COL6A6: variants seen among roughly 807,000 people sequenced by gnomAD.
COL6A6 encodes the protein collagen alpha-6(VI) chain.
In COL6A6, 183 loss-of-function variants were observed where a neutral mutation model predicts 208.6. That is an observed-to-expected ratio of 0.88 (90% CI 0.78 to 0.99). COL6A6 has a LOEUF of 0.99. COL6A6 is among the 50% of genes least tolerant of loss of function. COL6A6 has a pLI of 0.00. For synonymous variants in COL6A6, 973 were observed against 1,011.8 expected, an observed-to-expected ratio of 0.96 and a Z score of 0.73; for missense variants, 2,816 against 2,815.2, an observed-to-expected ratio of 1.00 and a Z score of -0.01.
intron 32 of COL6A6, chr3:130,646,343 G>C (rs1175987561): frequency 6.6e-6 from 1 of 152,302 alleles, no homozygotes; most frequent in African/African-American, 2.4e-5. Context: ...GGGAGCCCGA[G>C]GCAGGCAGAT....
chr3:130,650,633 A>C (rs957550913), intron 33 of COL6A6, among the ~76,000 whole-genome samples: 52 of 152,072 alleles, frequency 3.4e-4, no homozygotes, highest in Non-Finnish European at 6.8e-4. Flanking sequence ...AAAAAAGAAA[A>C]AGGCCAGCCA....
At chr3:130,600,429 A>G (rs7430430) in intron 20 of COL6A6, among the ~76,000 whole-genome samples, 8 of 152,232 alleles carry the variant, frequency 5.3e-5, no homozygotes, top group Non-Finnish European at 5.9e-5. Flanking sequence ...TGTTTATTGC[A>G]GCACTATTTA....
At chr3:130,653,871 T>C (rs1475902051) in intron 33 of COL6A6, among the ~76,000 whole-genome samples, 1 of 152,096 alleles carries the variant, frequency 6.6e-6, no homozygotes, top group African/African-American at 2.4e-5. Context: ...CTGTGGACTC[T>C]CCCCATAAAA....
In COL6A6 at chr3:130,649,145, A is replaced by T; in HGVS notation, c.5316A>T (p.Glu1772Asp). 6.3e-7 allele frequency: 1 copy of T among 1,590,276 alleles called. No individual in the cohort carries two copies. The highest frequency in any genetic ancestry group is 2.3e-5 in the East Asian group (1 of 43,850). Reference protein sequence around the residue: ...LDHSRDVTEQEFERMKEMMAF... With the variant: ...LDHSRDVTEQDFERMKEMMAF... ...ACTCCCGGGATGTCACTGAGCAGGA[A>T]TTTGAGCGGATGAAGGAGATGATGG... is the stretch of plus-strand genomic sequence containing the variant. Residue 1772 changes from glutamate (E) to aspartate (D), a missense_variant, in exon 33 of 37, where the codon GAA (glutamate) becomes GAT (aspartate). Transcript: ENST00000358511.
At chr3:130,648,343 G>A (rs144995003) in intron 32 of COL6A6, among the ~76,000 whole-genome samples, 1 of 152,286 alleles carries the variant, frequency 6.6e-6, no homozygotes, top group South Asian at 2.1e-4. Context: ...AACAGCAATG[G>A]TTGACATTTA....
intron 34 of COL6A6, among the ~76,000 whole-genome samples, chr3:130,659,042 A>G (rs1337262307): frequency 6.6e-6 from 1 of 152,234 alleles, no homozygotes; most frequent in Non-Finnish European, 1.5e-5. Flanking sequence ...AATGATTCTT[A>G]GAAAAACAGC....
At chr3:130,628,053 C>T (rs976170813) in intron 26 of COL6A6, among the ~76,000 whole-genome samples, 6 of 152,150 alleles carry the variant, frequency 3.9e-5, no homozygotes, top group African/African-American at 1.4e-4. Context: ...AGAGGCATTC[C>T]AAGATCTTGT....
chr3:130,668,893 T>G lies in COL6A6; in HGVS notation c.6596+3797T>G, dbSNP rs189627988. ...GATGTAAACATAAGTAACAAATGATTTAATAGATACATGCAGAACCCTGGA... is the reference window on the plus strand; with the variant it reads ...GATGTAAACATAAGTAACAAATGATGTAATAGATACATGCAGAACCCTGGA... On this transcript the variant is annotated intron_variant, in intron 36 of 36. Transcript: ENST00000358511. Among the ~76,000 whole-genome samples, 210 of 152,304 alleles carry G rather than the reference T, an allele frequency of 1.4e-3. 1 individual carries two copies. Among genetic ancestry groups the G allele is most frequent in the African/African-American group, 4.7e-3 (196 of 41,574 alleles).
At chr3:130,533,202 C>T (rs2062144414) in intron 1 of COL6A6, among the ~76,000 whole-genome samples, 1 of 148,646 alleles carries the variant, frequency 6.7e-6, no homozygotes, top group Non-Finnish European at 1.5e-5. Context: ...CTAACAAGTG[C>T]AGTTTGTTGC....
intron 2 of COL6A6, among the ~76,000 whole-genome samples, chr3:130,560,687 T>C (rs2107848460): frequency 6.6e-6 from 1 of 152,340 alleles, no homozygotes; most frequent in East Asian, 1.9e-4. Flanking sequence ...TTAGGTCTTC[T>C]GGGAGGTTGC....
At chr3:130,558,591 G>A (rs1033459692) in intron 1 of COL6A6, among the ~76,000 whole-genome samples, 1 of 152,162 alleles carries the variant, frequency 6.6e-6, no homozygotes, top group Non-Finnish European at 1.5e-5. Context: ...TCTCTGTCCA[G>A]ATGTTCATCC....
chr3:130,623,610 T>C (rs2064802011), intron 24 of COL6A6, among the ~76,000 whole-genome samples: 1 of 152,190 alleles, frequency 6.6e-6, no homozygotes, highest in African/African-American at 2.4e-5. Context: ...AATAGGGGAC[T>C]GATGCAGAGA....
At chr3:130,531,060 AGTCTCTCT>A (rs2062080949) in intron 1 of COL6A6, among the ~76,000 whole-genome samples, 1 of 17,808 alleles carries the variant, frequency 5.6e-5, no homozygotes, top group African/African-American at 1.1e-4. Flanking sequence ...ACACACACAC[AGTCTCTCT>A]CTCTCTCTCT....
At chr3:130,554,699 G>A (rs544306448) in intron 1 of COL6A6, among the ~76,000 whole-genome samples, 1 of 152,308 alleles carries the variant, frequency 6.6e-6, no homozygotes, top group African/African-American at 2.4e-5. Flanking sequence ...ACATCCACCT[G>A]TGGAGAAGGG....
intron 7 of COL6A6, among the ~76,000 whole-genome samples, chr3:130,573,152 A>G (rs2063204391): frequency 6.6e-6 from 1 of 152,254 alleles, no homozygotes; most frequent in Non-Finnish European, 1.5e-5. Context: ...ACCTCTTCTC[A>G]ATATGCCCTA....
intron 20 of COL6A6, among the ~76,000 whole-genome samples, chr3:130,604,658 C>T (rs76568618): frequency 0.02 from 3,051 of 152,216 alleles, 54 homozygotes; most frequent in Middle Eastern, 0.044. Context: ...TCACCACCAC[C>T]CAGCCCAGTT....
At chr3:130,634,985 A>C (rs2065068601) in intron 27 of COL6A6, among the ~76,000 whole-genome samples, 1 of 152,200 alleles carries the variant, frequency 6.6e-6, no homozygotes. Flanking sequence ...CTGTAATCCC[A>C]GCACTTTGGG....
chr3:130,581,201 A>T (rs982542426), intron 8 of COL6A6, among the ~76,000 whole-genome samples: 1 of 152,182 alleles, frequency 6.6e-6, no homozygotes, highest in African/African-American at 2.4e-5. Flanking sequence ...AATGACCTCA[A>T]TTGATAAGTA....
intron 33 of COL6A6, among the ~76,000 whole-genome samples, chr3:130,654,072 G>T (rs1452673629): frequency 6.6e-6 from 1 of 152,214 alleles, no homozygotes; most frequent in African/African-American, 2.4e-5. Flanking sequence ...TTTGGGCAAT[G>T]TCTTGAGAAA....
Sources: allele counts gnomAD v4.1 joint callset (sites outside exome capture counted in the v4.1 genomes callset), GRCh38; gene constraint gnomAD v4.1.1; transcripts MANE v1.5; gene names NCBI Gene and HGNC (gene_info 2026-07-23, HGNC 2026-07-21).